The following KIAA2012 variants were observed in gnomAD, a reference collection of about 807,000 sequenced individuals.
The protein encoded by KIAA2012 is uncharacterized protein KIAA2012.
In KIAA2012, 125 loss-of-function variants were observed where a neutral mutation model predicts 150.6. The observed-to-expected ratio is 0.83, with a 90% CI of 0.72 to 0.96. The LOEUF (loss-of-function observed/expected upper bound fraction) is 0.96, where lower values mean the gene tolerates loss of function less well. KIAA2012 is among the 40% of genes least tolerant of loss of function. The probability of loss-of-function intolerance (pLI) is 0.00; values close to 1 mark genes in which losing one functional copy is unlikely to be tolerated. For synonymous variants in KIAA2012, 462 were observed against 504.7 expected (o/e 0.92, Z 1.13); for missense variants, 1,219 against 1,354.9 (o/e 0.90, Z 1.57).
intron 11 of KIAA2012, among the ~76,000 whole-genome samples, chr2:202,123,139 C>T (rs546954281): frequency 1.1e-4 from 17 of 152,252 alleles, no homozygotes; most frequent in African/African-American, 4.1e-4. Flanking sequence ...CTAAGGAAAA[C>T]CCTGAGAGCA....
Position 202,087,967 on chromosome 2 carries a change from A to C in KIAA2012, c.370-2803A>C, listed in dbSNP as rs13421470. Among the ~76,000 whole-genome samples, 187 of 151,814 alleles carry C rather than the reference A, an allele frequency of 1.2e-3. 2 individuals carry two copies. The highest frequency in any genetic ancestry group is 4.2e-3 in the African/African-American group (173 of 41,290). Reference sequence around the variant, plus strand: ...TGGATTCAACCAACCAGGGATGGAGAATATTCAGGAAAAAAAATAACAATC... The same window carrying C: ...TGGATTCAACCAACCAGGGATGGAGCATATTCAGGAAAAAAAATAACAATC... On this transcript the variant is annotated intron_variant, in intron 2 of 23. Coordinates refer to ENST00000498697, the MANE Select transcript of KIAA2012 (RefSeq NM_001277372.4).
chr2:202,122,879 T>C (rs1369372624), intron 11 of KIAA2012, among the ~76,000 whole-genome samples: 2 of 152,148 alleles, frequency 1.3e-5, no homozygotes, highest in Non-Finnish European at 2.9e-5. Context: ...GTCTCCTGTA[T>C]TGTAATTAAG....
At chr2:202,133,142 T>TTTTTTTTTTTTTC (rs1690996700) in intron 12 of KIAA2012, among the ~76,000 whole-genome samples, 1 of 126,982 alleles carries the variant, frequency 7.9e-6, no homozygotes, top group African/African-American at 3.2e-5. Context: ...TTTTTTTTTT[T>TTTTTTTTTTTTTC]CTGGAGAATG....
chr2:202,148,979 G>C lies in KIAA2012; in HGVS notation c.1909-5694G>C, dbSNP rs373100599. On this transcript the variant is annotated intron_variant, in intron 13 of 23. Coordinates refer to ENST00000498697, the MANE Select transcript of KIAA2012 (RefSeq NM_001277372.4). ...GCCCCATTCCCACTGCCCGCTTTTA[G>C]GTCCGCAGGCTGCCATGGGCAAGGA... Among the ~76,000 whole-genome samples, 35 of 152,304 alleles carry C rather than the reference G, an allele frequency of 2.3e-4. No individual in the cohort carries two copies. In the South Asian group the frequency reaches 6.8e-3, roughly 30 times the overall value.
At chr2:202,130,925 T>A (rs535905494) in intron 12 of KIAA2012, among the ~76,000 whole-genome samples, 88 of 148,884 alleles carry the variant, frequency 5.9e-4, no homozygotes, top group African/African-American at 1.5e-3. Context: ...CAAAAATAAA[T>A]AAATAAATAA....
chr2:202,158,395 C>T (rs1261203437), intron 14 of KIAA2012, among the ~76,000 whole-genome samples: 1 of 152,172 alleles, frequency 6.6e-6, no homozygotes, highest in Non-Finnish European at 1.5e-5. Context: ...TTCCAGGGAG[C>T]CTAGAATCTA....
At chr2:202,121,487 T>A (rs915231975) in intron 11 of KIAA2012, among the ~76,000 whole-genome samples, 5 of 152,206 alleles carry the variant, frequency 3.3e-5, no homozygotes, top group African/African-American at 9.7e-5. Flanking sequence ...ACTCCTTCGA[T>A]ACAATATACT....
intron 14 of KIAA2012, among the ~76,000 whole-genome samples, chr2:202,159,926 A>G (rs914480839): frequency 6.6e-6 from 1 of 152,204 alleles, no homozygotes. Flanking sequence ...GTTTTGAAAG[A>G]ATGTTCACAT....
intron 14 of KIAA2012, among the ~76,000 whole-genome samples, chr2:202,157,011 G>C (rs114963626): frequency 0.014 from 2,179 of 152,254 alleles, 46 homozygotes; most frequent in African/African-American, 0.049. Flanking sequence ...TTTTGGCACA[G>C]TATTATAGAA....
intron 19 of KIAA2012, 55 bp from the exon 20 acceptor site, chr2:202,193,246 C>A: frequency 1.3e-6 from 2 of 1,494,736 alleles, no homozygotes; most frequent in South Asian, 2.4e-5. Context: ...GAGAAGGGCT[C>A]ACTGCTGAGA....
chr2:202,076,792 G>A (rs1453410294), intron 2 of KIAA2012: 1 of 360,014 alleles, frequency 2.8e-6, no homozygotes, highest in Non-Finnish European at 5.5e-6. Context: ...GACTCCAGTG[G>A]TCCACTGGTC....
chr2:202,133,259 T>G (rs1306014630), intron 12 of KIAA2012, among the ~76,000 whole-genome samples: 1 of 151,104 alleles, frequency 6.6e-6, no homozygotes, highest in African/African-American at 2.4e-5. Flanking sequence ...ATAGATATCC[T>G]TATTAATCCT....
rs1389341559 is a variant in KIAA2012 at position 202,105,752 on chromosome 2, G to C, written c.1325-9G>C. 1.3e-6 allele frequency: 2 copies of C among 1,548,458 alleles called. No homozygotes were observed. The highest frequency in any genetic ancestry group is 1.7e-6 in the Non-Finnish European group (2 of 1,145,468). Reference sequence around the variant, plus strand: ...TCTGCTACAATTCAGCCTCCTCTTTGTCTCCTAGGTGCTCCACACCCTGAG... The same window carrying C: ...TCTGCTACAATTCAGCCTCCTCTTTCTCTCCTAGGTGCTCCACACCCTGAG... On this transcript the variant is annotated splice_polypyrimidine_tract_variant and intron_variant, in intron 8 of 23. Coordinates refer to ENST00000498697, the MANE Select transcript of KIAA2012 (RefSeq NM_001277372.4).
chr2:202,187,899 A>G (rs1692261284), intron 17 of KIAA2012, among the ~76,000 whole-genome samples: 1 of 152,242 alleles, frequency 6.6e-6, no homozygotes, highest in African/African-American at 2.4e-5. Context: ...CTAAGAAAGG[A>G]GGCAGACCAT....
rs1487728608 is a variant in KIAA2012, at chr2:202,093,162, A to G, written c.662A>G (p.Gln221Arg). The part of the protein sequence containing the change: ...LLPVFPSFWI[Q>R]QGKSFEQRQQ... ...CCTGTCTTCCCTTCATTTTGGATTC[A>G]ACAAGGAAAATCTTTTGAACAACGT... is the stretch of plus-strand genomic sequence containing the variant. The change falls in exon 4 of 24, where the codon CAA becomes CGA. Residue 221 changes from glutamine (Q) to arginine (R), a missense_variant. Transcript: ENST00000498697. The G allele has an allele frequency of 1.9e-6, 3 of 1,551,136 alleles. No homozygotes were observed. The highest frequency in any genetic ancestry group is 2.4e-5 in the East Asian group (1 of 40,940).
At chr2:202,150,087 GATA>G (rs1199588343) in intron 13 of KIAA2012, among the ~76,000 whole-genome samples, 2 of 152,210 alleles carry the variant, frequency 1.3e-5, no homozygotes, top group Non-Finnish European at 2.9e-5. Flanking sequence ...TTTACAGCAA[GATA>G]ATAATCCTGG....
At chr2:202,075,300 C>A in intron 2 of KIAA2012, 125 bp downstream of exon 2, 1 of 1,096,166 alleles carries the variant, frequency 9.1e-7, no homozygotes, top group Non-Finnish European at 1.3e-6. Context: ...TCTATTTCTT[C>A]ATCTCTAAAA....
intron 3 of KIAA2012, among the ~76,000 whole-genome samples, chr2:202,091,801 A>G (rs1689731811): frequency 6.6e-6 from 1 of 152,220 alleles, no homozygotes; most frequent in Non-Finnish European, 1.5e-5. Flanking sequence ...TTCAGCAACA[A>G]CAAACAGCCA....
chr2:202,154,194 A>G (rs1419953020), intron 13 of KIAA2012, among the ~76,000 whole-genome samples: 1 of 152,250 alleles, frequency 6.6e-6, no homozygotes, highest in Non-Finnish European at 1.5e-5. Context: ...ATAAACTGGA[A>G]TCTTGCTATA....
Sources: gnomAD v4.1 joint callset for allele counts (sites outside exome capture counted in the v4.1 genomes callset) on GRCh38, gnomAD v4.1.1 for gene constraint, MANE v1.5 for transcripts, NCBI Gene and HGNC (gene_info 2026-07-23, HGNC 2026-07-21) for gene names.